GLIPR1: variants seen among roughly 807,000 people sequenced by gnomAD.
GLIPR1 encodes GLI pathogenesis related 1.
In GLIPR1, 38 loss-of-function variants were observed where a neutral mutation model predicts 30.3. The ratio of observed to expected loss-of-function variants is 1.26; its 90% CI spans 0.97 to 1.65. The LOEUF (loss-of-function observed/expected upper bound fraction) is 1.65, where lower values mean the gene tolerates loss of function less well. Ranked by LOEUF, GLIPR1 falls within the 40% of genes most tolerant of loss-of-function variation. The probability of loss-of-function intolerance (pLI) is 0.00; values close to 1 mark genes in which losing one functional copy is unlikely to be tolerated. For synonymous variants in GLIPR1, 122 were observed against 110.6 expected, an observed-to-expected ratio of 1.10 and a Z score of -0.65; for missense variants, 285 against 326.5, an observed-to-expected ratio of 0.87 and a Z score of 0.98.
chr12:75,483,126 A>C lies in GLIPR1; in HGVS notation c.420+1047A>C, dbSNP rs1367054175. 2.0e-5 allele frequency among the ~76,000 whole-genome samples: 3 copies of C among 152,224 alleles called. No homozygotes were observed. In the East Asian group the frequency reaches 5.8e-4, roughly 29 times the overall value. ...TGAACCAAGTTTGGTGCAGTTACAA[A>C]AAATTATTATAAGAGTAAAATGAAT... On this transcript the variant is annotated intron_variant, in intron 2 of 5. Coordinates refer to ENST00000266659, the MANE Select transcript of GLIPR1 (RefSeq NM_006851.3).
intron 1 of GLIPR1, chr12:75,481,532 C>T: frequency 5.8e-6 from 2 of 342,012 alleles, no homozygotes; most frequent in Non-Finnish European, 1.1e-5. Context: ...TTCTGAACTT[C>T]TTAGGATATG....
In GLIPR1 at chr12:75,481,924, C is replaced by A. The variant is rs768145196; in HGVS notation, c.265C>A (p.Leu89Met). 1.2e-6 allele frequency: 2 copies of A among 1,614,176 alleles called. No individual in the cohort carries two copies. Among genetic ancestry groups the A allele is most frequent in the South Asian group, 2.2e-5 (2 of 91,084 alleles). Residue 89 changes from leucine to methionine, a missense_variant, in exon 2 of 6, where the codon CTG (leucine) becomes ATG (methionine). By Grantham distance (15) the Leu-to-Met change is conservative. Coordinates refer to ENST00000266659, the MANE Select transcript of GLIPR1 (RefSeq NM_006851.3). ...TACACGGCTGAAGCCACCCCACAAG[C>A]TGCACCCAAACTTCACTTCACTGGG... ...HNTRLKPPHK[L>M]HPNFTSLGEN...
chr12:75,481,564 ATGT>A (rs2046271125), intron 1 of GLIPR1: 2 of 438,746 alleles, frequency 4.6e-6, no homozygotes, highest in Non-Finnish European at 4.2e-6. Context: ...TTATGGAATA[ATGT>A]TGTGAAACAC....
intron 4 of GLIPR1, chr12:75,498,423 A>G (rs957366995): frequency 3.3e-6 from 1 of 301,398 alleles, no homozygotes; most frequent in Non-Finnish European, 6.0e-6. Flanking sequence ...ATTACCTGCT[A>G]GGTATGATGT....
chr12:75,490,554 C>CCCT, intron 3 of GLIPR1, 36 bp downstream of exon 3: 1 of 109,682 alleles, frequency 9.1e-6, no homozygotes, highest in Non-Finnish European at 1.3e-5. Flanking sequence ...TAGGAAACGC[C>CCCT]CCCCCCCCCC....
Position 75,502,152 on chromosome 12 carries a change from C to T in GLIPR1, c.*3174C>T. On this transcript the variant is annotated 3_prime_UTR_variant, in exon 6 of 6. Transcript: ENST00000266659. ...TGACATAAAGGAAACAGAGTCTAAG[C>T]TGAGGGGAATACATACACAAAAGTG... is the stretch of plus-strand genomic sequence containing the variant. The T allele has an allele frequency of 7.8e-6, 5 of 637,348 alleles. No homozygotes were observed. The South Asian group carries it at 9.6e-5, about 12-fold the overall frequency. 39.5% of individuals were successfully genotyped at this position (637,348 alleles called of 1,614,324 possible). A position where few individuals can be genotyped will look rare whatever the true frequency, so the allele number is the denominator to read the frequency against.
intron 1 of GLIPR1, 85 bp downstream of exon 1, chr12:75,481,139 C>T (rs1422265972): frequency 5.3e-5 from 49 of 931,236 alleles, no homozygotes; most frequent in Non-Finnish European, 3.2e-6. Flanking sequence ...CTTCGTAATA[C>T]TGAATGATTT....
intron 1 of GLIPR1, chr12:75,481,403 TGA>T (rs2046270391): frequency 9.7e-6 from 2 of 206,338 alleles, no homozygotes; most frequent in Admixed American, 1.2e-4. Flanking sequence ...TTTTTGCTGC[TGA>T]CAAAGTACTG....
chr12:75,499,113 C>A lies in GLIPR1; in HGVS notation c.*135C>A. The A allele has an allele frequency of 2.0e-6, 1 of 508,550 alleles. No homozygotes were observed. Among genetic ancestry groups the A allele is most frequent in the Non-Finnish European group, 3.3e-6 (1 of 299,404 alleles). 31.5% of individuals were successfully genotyped at this position (508,550 alleles called of 1,614,324 possible). The stretch of plus-strand genomic sequence containing the variant: ...TATATGTTATAGCAATACTCTTACT[C>A]AAAAGAAGAAATTTCCTAACTCTAT... On this transcript the variant is annotated 3_prime_UTR_variant, in exon 6 of 6. Coordinates refer to ENST00000266659, the MANE Select transcript of GLIPR1 (RefSeq NM_006851.3).
Position 75,500,094 on chromosome 12 carries a change from G to C in GLIPR1, c.*1116G>C. ...ATTGAATAATTGAAAGGTGATCACA[G>C]TATAAAATATAAAAACACTTGCCTA... On this transcript the variant is annotated 3_prime_UTR_variant, in exon 6 of 6. Transcript: ENST00000266659. 1 of 566,956 alleles carries C rather than the reference G, an allele frequency of 1.8e-6. No individual in the cohort carries two copies. The highest frequency in any genetic ancestry group is 2.9e-6 in the Non-Finnish European group (1 of 350,000). 35.1% of individuals were successfully genotyped at this position (566,956 alleles called of 1,614,324 possible).
rs992767586 is a variant in GLIPR1 at position 75,482,716 on chromosome 12, T to G, written c.420+637T>G. Among the ~76,000 whole-genome samples the G allele has an allele frequency of 3.3e-5, 5 of 150,610 alleles. 1 individual carries two copies. The highest frequency in any genetic ancestry group is 3.3e-4 in the Admixed American group (5 of 15,096). Reference sequence around the variant, plus strand: ...CACATTCAGAGCCACCCATTGAGTTTTTTTTTTTTTTTTTAATTTTTACTC... The same window carrying G: ...CACATTCAGAGCCACCCATTGAGTTGTTTTTTTTTTTTTTAATTTTTACTC... On this transcript the variant is annotated intron_variant, in intron 2 of 5. Transcript: ENST00000266659.
rs748103405 is a variant in GLIPR1 at position 75,502,011 on chromosome 12, C to T, written c.*3033C>T. ...CAATTCTTTATCGATCTGTTGAAAA[C>T]GGTATTTACAATTACATCAGAAATA... On this transcript the variant is annotated 3_prime_UTR_variant, in exon 6 of 6. Coordinates refer to ENST00000266659, the MANE Select transcript of GLIPR1 (RefSeq NM_006851.3). 24 of 1,600,370 alleles carry T rather than the reference C, an allele frequency of 1.5e-5. No individual in the cohort carries two copies. The highest frequency in any genetic ancestry group is 6.7e-5 in the African/African-American group (5 of 74,522).
chr12:75,499,786 C>G lies in GLIPR1; in HGVS notation c.*808C>G, dbSNP rs754436270. The G allele has an allele frequency of 6.4e-7, 1 of 1,563,246 alleles. No individual in the cohort carries two copies. Among genetic ancestry groups the G allele is most frequent in the Middle Eastern group, 1.7e-4 (1 of 5,856 alleles). ...AAATCCTTTACAAAAGGAGATAGTT[C>G]TAGTCAAGGAGTTTTGGGTATGTTA... On this transcript the variant is annotated 3_prime_UTR_variant, in exon 6 of 6. Transcript: ENST00000266659.
rs1036224349 is a variant in GLIPR1, at chr12:75,503,630, C to A, written c.*4652C>A. 3.9e-6 allele frequency: 1 copy of A among 256,482 alleles called. No individual in the cohort carries two copies. Among genetic ancestry groups the A allele is most frequent in the Non-Finnish European group, 7.4e-6 (1 of 135,552 alleles). 15.9% of individuals were successfully genotyped at this position (256,482 alleles called of 1,614,324 possible). On this transcript the variant is annotated 3_prime_UTR_variant, in exon 6 of 6. Transcript: ENST00000266659. ...AGAGAAAAGAGTATTGCAGACTAAA[C>A]GAACTTTTATCCATGGAACATTTAC...
In GLIPR1 at chr12:75,502,093, T is replaced by C. The variant is rs2046398440; in HGVS notation, c.*3115T>C. 2.0e-6 allele frequency: 2 copies of C among 989,822 alleles called. No homozygotes were observed. The allele number at this position is 989,822 out of a possible 1,614,324, so 61.3% of individuals were successfully genotyped here. A position where few individuals can be genotyped will look rare whatever the true frequency, so the allele number is the denominator to read the frequency against. ...CACAATATCCTTAGGGTAAAAACAA[T>C]GGGGTCAAACTGATTTATTAATAAA... On this transcript the variant is annotated 3_prime_UTR_variant, in exon 6 of 6. Transcript: ENST00000266659.
chr12:75,482,028 C>G lies in GLIPR1; in HGVS notation c.369C>G (p.Asp123Glu). The change falls in exon 2 of 6, where the codon GAC becomes GAG. Residue 123 changes from aspartate to glutamate, a missense_variant. By Grantham distance (45) the Asp-to-Glu change is conservative (BLOSUM62 2). Transcript: ENST00000266659. ...AITNWYDEIQ[D>E]YDFKTRICKK... is the part of the protein sequence containing the mutation. ...CAAACTGGTATGACGAAATCCAGGACTATGACTTCAAGACTCGGATATGCA... is the reference window on the plus strand; with the variant it reads ...CAAACTGGTATGACGAAATCCAGGAGTATGACTTCAAGACTCGGATATGCA... The G allele has an allele frequency of 6.2e-7, 1 of 1,613,940 alleles. No individual in the cohort carries two copies. The highest frequency in any genetic ancestry group is 8.5e-7 in the Non-Finnish European group (1 of 1,179,842).
rs2046398093 is a variant in GLIPR1, at chr12:75,502,031, G to A, written c.*3053G>A. ...GAAAACGGTATTTACAATTACATCA[G>A]AAATAATGTAGAGGAGAAGTCATGT... is the stretch of plus-strand genomic sequence containing the variant. On this transcript the variant is annotated 3_prime_UTR_variant, in exon 6 of 6. Coordinates refer to ENST00000266659, the MANE Select transcript of GLIPR1 (RefSeq NM_006851.3). 1 of 1,555,338 alleles carries A rather than the reference G, an allele frequency of 6.4e-7. No individual in the cohort carries two copies. The highest frequency in any genetic ancestry group is 1.1e-5 in the South Asian group (1 of 89,670).
At chr12:75,494,181 G>A (rs532496769) in intron 3 of GLIPR1, 90 of 152,292 alleles carry the variant, frequency 5.9e-4, no homozygotes, top group African/African-American at 2.0e-3. Flanking sequence ...ATAAGGTATC[G>A]TTATAAAGTT....
Position 75,481,820 on chromosome 12 carries a change from G to A in GLIPR1, c.175-14G>A. ...TCAGATGAACCCCCTATTGTTTAAT[G>A]TTTATTTTTGCAGACTTGGGACCCA... On this transcript the variant is annotated splice_polypyrimidine_tract_variant and intron_variant, in intron 1 of 5. Coordinates refer to ENST00000266659, the MANE Select transcript of GLIPR1 (RefSeq NM_006851.3). 6.2e-7 allele frequency: 1 copy of A among 1,613,242 alleles called. No homozygotes were observed. Among genetic ancestry groups the A allele is most frequent in the South Asian group, 1.1e-5 (1 of 91,068 alleles).
Sources: allele counts gnomAD v4.1 joint callset (sites outside exome capture counted in the v4.1 genomes callset), GRCh38; gene constraint gnomAD v4.1.1; transcripts MANE v1.5; gene names NCBI Gene and HGNC (gene_info 2026-07-23, HGNC 2026-07-21).